MAST4: variants seen among roughly 807,000 people sequenced by gnomAD.
MAST4 encodes the protein microtubule associated serine/threonine kinase family member 4.
In MAST4, 89 loss-of-function variants were observed where a neutral mutation model predicts 162.7. The observed-to-expected ratio is 0.55, with a 90% CI of 0.46 to 0.65. MAST4 has a LOEUF of 0.65. MAST4 is among the 30% of genes least tolerant of loss of function. The pLI is 0.00. For synonymous variants in MAST4, 1,479 were observed against 1,361.1 expected, an observed-to-expected ratio of 1.09 and a Z score of -1.91; for missense variants, 3,153 against 3,374.0, an observed-to-expected ratio of 0.93 and a Z score of 1.62.
At chr5:66,887,583 C>T (rs1277478482) in intron 3 of MAST4, among the ~76,000 whole-genome samples, 1 of 152,160 alleles carries the variant, frequency 6.6e-6, no homozygotes, top group Non-Finnish European at 1.5e-5. Flanking sequence ...TTTGTCTTTG[C>T]TTGTCTGTTT....
At chr5:66,939,586 C>A (rs1176082389) in intron 4 of MAST4, among the ~76,000 whole-genome samples, 2 of 152,002 alleles carry the variant, frequency 1.3e-5, no homozygotes, top group African/African-American at 4.8e-5. Flanking sequence ...TCATTTGTAT[C>A]AATTTGTAAT....
At position 66,606,983 on chromosome 5, in the gene MAST4, A is replaced by G. The variant is rs558078864; in HGVS notation, c.363+9965A>G. ...TTTAAATTAAATATTAAATGAGTGT[A>G]TGAATTTACTCATTTTCACACAAGC... On this transcript the variant is annotated intron_variant, in intron 1 of 28. Coordinates refer to ENST00000403625, the MANE Select transcript of MAST4 (RefSeq NM_001164664.2). 1.3e-4 allele frequency among the ~76,000 whole-genome samples: 20 copies of G among 152,226 alleles called. No homozygotes were observed. In the South Asian group the frequency reaches 3.5e-3, roughly 27 times the overall value.
chr5:66,944,734 G>A (rs1743782266), intron 4 of MAST4, among the ~76,000 whole-genome samples: 1 of 152,068 alleles, frequency 6.6e-6, no homozygotes, highest in African/African-American at 2.4e-5. Context: ...TCACAGTTCT[G>A]TCAATCAGAA....
At chr5:67,122,705 C>T (rs16896297) in intron 14 of MAST4, among the ~76,000 whole-genome samples, 3,849 of 152,150 alleles carry the variant, frequency 0.025, 62 homozygotes, top group African/African-American at 0.039. Context: ...CTGTGAAGCA[C>T]GACTTTTAAA....
intron 4 of MAST4, among the ~76,000 whole-genome samples, chr5:67,026,990 G>A (rs534850464): frequency 6.6e-6 from 1 of 152,050 alleles, no homozygotes; most frequent in South Asian, 2.1e-4. Flanking sequence ...TGTTAAATAT[G>A]GAAGGTAGGA....
At chr5:67,059,238 C>T (rs930204556) in intron 5 of MAST4, among the ~76,000 whole-genome samples, 3 of 152,174 alleles carry the variant, frequency 2.0e-5, no homozygotes, top group South Asian at 2.1e-4. Flanking sequence ...CGGTCATTCT[C>T]GCACTTCAAA....
At chr5:67,097,934 C>A (rs571652293) in intron 7 of MAST4, among the ~76,000 whole-genome samples, 2 of 152,092 alleles carry the variant, frequency 1.3e-5, no homozygotes, top group South Asian at 2.1e-4. Context: ...TGTTTCTATT[C>A]TTTAAATATT....
intron 3 of MAST4, among the ~76,000 whole-genome samples, chr5:66,873,396 CAAT>C (rs560880154): frequency 4.3e-4 from 66 of 152,304 alleles, no homozygotes; most frequent in Middle Eastern, 3.4e-3. Flanking sequence ...ATTTTCAACT[CAAT>C]AACCTGAGTC....
chr5:66,828,428 T>C (rs1172351413), intron 3 of MAST4, among the ~76,000 whole-genome samples: 1 of 152,194 alleles, frequency 6.6e-6, no homozygotes, highest in East Asian at 1.9e-4. Context: ...GAGGTGTCTG[T>C]CACCGCTGAT....
In MAST4 at chr5:67,164,100, G is replaced by A. The variant is rs1031237960; in HGVS notation, c.4921G>A (p.Ala1641Thr). 2.5e-6 allele frequency: 4 copies of A among 1,578,798 alleles called. No homozygotes were observed. The highest frequency in any genetic ancestry group is 2.7e-5 in the African/African-American group (2 of 74,124). The stretch of plus-strand genomic sequence containing the variant: ...TGGCGGGGACTTCAGACGGGCCCCC[G>A]CTCCTGGCACCCTCCAGGATGGTCT... ...QGGGDFRRAP[A>T]PGTLQDGLCH... Residue 1641 changes from alanine to threonine, a missense_variant, in exon 29 of 29, where the codon GCT (alanine) becomes ACT (threonine). Physicochemically the swap from Ala to Thr is moderately conservative, Grantham distance 58. Around this residue, in one of 7 missense-constraint regions of MAST4, gnomAD observed 1,644 missense variants for 1,495.0 expected, o/e 1.10. Transcript: ENST00000403625. This position sits in a 1 kb window ranked among gnomAD's most constrained non-coding sequence, Gnocchi z 5.3.
chr5:66,718,150 T>C (rs1750961855), intron 1 of MAST4, among the ~76,000 whole-genome samples: 1 of 152,084 alleles, frequency 6.6e-6, no homozygotes, highest in South Asian at 2.1e-4. Context: ...ACTATATATA[T>C]TTAAAACCAG....
intron 4 of MAST4, among the ~76,000 whole-genome samples, chr5:66,999,264 G>A (rs1345291220): frequency 6.6e-6 from 1 of 152,166 alleles, no homozygotes; most frequent in Non-Finnish European, 1.5e-5. Flanking sequence ...CTTCTCCCAG[G>A]AACTTCCCCT....
rs570207040 is a variant in MAST4 at position 66,769,876 on chromosome 5, A to C, written c.517+10014A>C. Among the ~76,000 whole-genome samples the C allele has an allele frequency of 2.6e-5, 4 of 152,328 alleles. No homozygotes were observed. The South Asian group carries it at 8.3e-4, about 32-fold the overall frequency. The stretch of plus-strand genomic sequence containing the variant: ...AATTTGGGTTCTTGGCTCTTCGCCA[A>C]CCAGAAGAAAAAGCCCAGATCCACA... On this transcript the variant is annotated intron_variant, in intron 2 of 28. Coordinates refer to ENST00000403625, the MANE Select transcript of MAST4 (RefSeq NM_001164664.2).
At chr5:67,056,284 T>C (rs1306942937) in intron 5 of MAST4, among the ~76,000 whole-genome samples, 1 of 152,060 alleles carries the variant, frequency 6.6e-6, no homozygotes, top group Non-Finnish European at 1.5e-5. Context: ...GAGATTGATA[T>C]TACACCCTGT....
intron 3 of MAST4, among the ~76,000 whole-genome samples, chr5:66,893,352 C>T (rs954680777): frequency 5.9e-5 from 9 of 151,684 alleles, no homozygotes; most frequent in African/African-American, 1.7e-4. Flanking sequence ...ACCACAGGCA[C>T]GTGCCACCAC....
intron 1 of MAST4, among the ~76,000 whole-genome samples, chr5:66,599,028 C>T (rs1047742668): frequency 7.9e-5 from 12 of 152,160 alleles, no homozygotes; most frequent in African/African-American, 2.9e-4. Context: ...TAAACTGATA[C>T]AGTATTGCAA....
intron 4 of MAST4, among the ~76,000 whole-genome samples, chr5:66,916,360 CAA>C (rs1345239399): frequency 6.6e-6 from 1 of 152,018 alleles, no homozygotes; most frequent in Non-Finnish European, 1.5e-5. Context: ...CAAGTAGCCC[CAA>C]ATGAACACAA....
intron 1 of MAST4, among the ~76,000 whole-genome samples, chr5:66,618,995 A>C (rs1743900864): frequency 6.6e-6 from 1 of 152,216 alleles, no homozygotes; most frequent in African/African-American, 2.4e-5. Context: ...TTTCTTGGCA[A>C]CGCACTAAAT....
rs770135603 is a variant in MAST4 at position 67,165,413 on chromosome 5, C to G, written c.6234C>G (p.Gly2078=). ...CEKELGKVRR[G]VEPKPEALLA... is the part of the protein sequence containing the mutation. The stretch of plus-strand genomic sequence containing the variant: ...AGGAGCTGGGCAAGGTGAGGCGTGG[C>G]GTGGAACCCAAGCCCGAAGCGCTTC... The change falls in exon 29 of 29, where the codon GGC becomes GGG. Residue 2078 remains glycine (G), a synonymous_variant. Coordinates refer to ENST00000403625, the MANE Select transcript of MAST4 (RefSeq NM_001164664.2). The G allele has an allele frequency of 6.2e-7, 1 of 1,613,872 alleles. No homozygotes were observed. Among genetic ancestry groups the G allele is most frequent in the Non-Finnish European group, 8.5e-7 (1 of 1,179,886 alleles).
Sources: allele counts gnomAD v4.1 joint callset (sites outside exome capture counted in the v4.1 genomes callset), GRCh38; gene constraint gnomAD v4.1.1; regional missense constraint gnomAD v4.1.1; non-coding constraint Gnocchi (gnomAD v3.1); transcripts MANE v1.5; gene names NCBI Gene and HGNC (gene_info 2026-07-23, HGNC 2026-07-21).